RANBP17: variants seen among roughly 807,000 people sequenced by gnomAD.
RANBP17 encodes the protein ran-binding protein 17.
RANBP17 carries 158 observed loss-of-function variants against 141.2 expected under a neutral mutation model. The observed-to-expected ratio is 1.12, with a 90% confidence interval of 0.98 to 1.28. RANBP17 has a LOEUF of 1.28. Ranked by LOEUF, RANBP17 falls within the 50% of genes most tolerant of loss-of-function variation. RANBP17 has a pLI of 0.00. For synonymous variants in RANBP17, 430 were observed against 450.0 expected (o/e 0.96, Z 0.56); for missense variants, 1,438 against 1,290.7 (o/e 1.11, Z -1.75).
chr5:170,896,192 C>A, intron 5 of RANBP17, 77 bp downstream of exon 5: 2 of 970,420 alleles, frequency 2.1e-6, no homozygotes, highest in Admixed American at 2.2e-5. Flanking sequence ...TTATTTGTGG[C>A]AAAATAGACA....
intron 18 of RANBP17, among the ~76,000 whole-genome samples, chr5:171,193,408 A>G (rs373884782): frequency 1.3e-5 from 2 of 149,140 alleles, no homozygotes; most frequent in African/African-American, 2.5e-5. Context: ...ATTAGATGCC[A>G]TGTGCCCCAG....
chr5:171,202,648 A>G (rs768046970), intron 19 of RANBP17, among the ~76,000 whole-genome samples: 2 of 152,184 alleles, frequency 1.3e-5, no homozygotes, highest in Admixed American at 1.3e-4. Flanking sequence ...GGGATAGAGC[A>G]ATAAAGGCAG....
At chr5:171,029,453 C>T (rs2127615765) in intron 14 of RANBP17, among the ~76,000 whole-genome samples, 1 of 152,158 alleles carries the variant, frequency 6.6e-6, no homozygotes, top group Admixed American at 6.5e-5. Context: ...TGGCTTGGAA[C>T]CAGAAGCTGA....
chr5:171,228,739 A>T (rs1259257407), intron 22 of RANBP17, among the ~76,000 whole-genome samples: 1 of 152,232 alleles, frequency 6.6e-6, no homozygotes, highest in Non-Finnish European at 1.5e-5. Flanking sequence ...ATCAGTCAGC[A>T]GCTATCAACA....
At chr5:171,062,628 A>G (rs1581532184) in intron 14 of RANBP17, among the ~76,000 whole-genome samples, 1 of 152,136 alleles carries the variant, frequency 6.6e-6, no homozygotes, top group Non-Finnish European at 1.5e-5. Flanking sequence ...GAATCTGACA[A>G]TTATGTGTCT....
chr5:171,041,224 A>G (rs894137600), intron 14 of RANBP17, among the ~76,000 whole-genome samples: 1 of 152,088 alleles, frequency 6.6e-6, no homozygotes, highest in African/African-American at 2.4e-5. Flanking sequence ...ATTGGGGGTC[A>G]TGTTATTAAT....
intron 14 of RANBP17, among the ~76,000 whole-genome samples, chr5:171,142,963 G>A (rs1757801979): frequency 2.6e-5 from 4 of 152,124 alleles, no homozygotes; most frequent in Admixed American, 2.6e-4. Flanking sequence ...TAAAGACCTG[G>A]TTTCTTAAAA....
intron 14 of RANBP17, among the ~76,000 whole-genome samples, chr5:171,011,250 G>T (rs1461519215): frequency 1.3e-5 from 2 of 151,964 alleles, no homozygotes; most frequent in African/African-American, 4.8e-5. Flanking sequence ...GCTTGTATTT[G>T]CTTAGTTTGC....
rs184322803 is a variant in RANBP17 at position 171,089,824 on chromosome 5, C to T, written c.1711-80306C>T. 5.2e-3 allele frequency among the ~76,000 whole-genome samples: 796 copies of T among 152,346 alleles called. 6 individuals carry two copies. Among genetic ancestry groups the T allele is most frequent in the African/African-American group, 0.018 (750 of 41,584 alleles). Reference sequence around the variant, plus strand: ...GCCTCGCCCTGCTTAGGCTCGCGCACGGTGCGTGCACCCACTGGCCTGCGC... The same window carrying T: ...GCCTCGCCCTGCTTAGGCTCGCGCATGGTGCGTGCACCCACTGGCCTGCGC... On this transcript the variant is annotated intron_variant, in intron 14 of 27. Transcript: ENST00000523189.
chr5:171,015,901 A>G (rs1288679007), intron 14 of RANBP17, among the ~76,000 whole-genome samples: 1 of 152,122 alleles, frequency 6.6e-6, no homozygotes, highest in Non-Finnish European at 1.5e-5. Context: ...CCTAGATACT[A>G]TTCTGTCTAA....
At position 170,883,957 on chromosome 5, in the gene RANBP17, G is replaced by A. The variant is rs114902089; in HGVS notation, c.256+2061G>A. Among the ~76,000 whole-genome samples the A allele has an allele frequency of 4.0e-3, 602 of 152,188 alleles. 7 individuals are homozygous for A. Among genetic ancestry groups the A allele is most frequent in the African/African-American group, 0.014 (578 of 41,518 alleles). On this transcript the variant is annotated intron_variant, in intron 3 of 27. Transcript: ENST00000523189. Reference sequence around the variant, plus strand: ...GTGCCCAAACATTTTCAGCTCCCTTGGATAAATACCTTGGAGCACAATTGC... The same window carrying A: ...GTGCCCAAACATTTTCAGCTCCCTTAGATAAATACCTTGGAGCACAATTGC...
chr5:170,900,079 T>G (rs1033740979), intron 5 of RANBP17, among the ~76,000 whole-genome samples: 6 of 152,212 alleles, frequency 3.9e-5, no homozygotes, highest in Non-Finnish European at 7.3e-5. Flanking sequence ...TGAAATAGTT[T>G]CAGAAGGAAT....
intron 5 of RANBP17, among the ~76,000 whole-genome samples, chr5:170,901,601 G>C (rs925724056): frequency 1.3e-5 from 2 of 152,210 alleles, no homozygotes; most frequent in Non-Finnish European, 2.9e-5. Context: ...AGTTGATGCA[G>C]TTTCTTCATA....
intron 24 of RANBP17, among the ~76,000 whole-genome samples, chr5:171,257,072 A>G (rs1393728632): frequency 6.6e-6 from 1 of 152,234 alleles, no homozygotes; most frequent in Non-Finnish European, 1.5e-5. Context: ...AACCCATTCT[A>G]TGAGGTCACT....
chr5:171,012,470 A>G (rs139233473), intron 14 of RANBP17, among the ~76,000 whole-genome samples: 2 of 152,228 alleles, frequency 1.3e-5, no homozygotes, highest in East Asian at 1.9e-4. Flanking sequence ...TGGAATCTAT[A>G]TATTATAGTT....
At chr5:170,910,826 T>A in intron 6 of RANBP17, 143 bp from the exon 7 acceptor site, 2 of 743,890 alleles carry the variant, frequency 2.7e-6, no homozygotes, top group Non-Finnish European at 4.3e-6. Context: ...GAAGGTAACA[T>A]TACTTCCTTA....
chr5:171,236,857 A>T (rs1395658541), intron 22 of RANBP17, among the ~76,000 whole-genome samples: 2 of 152,228 alleles, frequency 1.3e-5, no homozygotes, highest in African/African-American at 2.4e-5. Flanking sequence ...GATTCAGGCC[A>T]GGTCAGTATG....
intron 14 of RANBP17, among the ~76,000 whole-genome samples, chr5:171,067,948 C>T (rs1784405965): frequency 6.6e-6 from 1 of 152,028 alleles, no homozygotes; most frequent in African/African-American, 2.4e-5. Context: ...TTTTTCATTT[C>T]GTTATTTCTT....
chr5:171,084,228 T>TG (rs1256993035), intron 14 of RANBP17, among the ~76,000 whole-genome samples: 2 of 150,246 alleles, frequency 1.3e-5, no homozygotes, highest in Non-Finnish European at 3.0e-5. Context: ...TTTTTGTTCT[T>TG]GCGATAGTTT....
Sources: allele counts gnomAD v4.1 joint callset (sites outside exome capture counted in the v4.1 genomes callset), GRCh38; gene constraint gnomAD v4.1.1; transcripts MANE v1.5; gene names NCBI Gene and HGNC (gene_info 2026-07-23, HGNC 2026-07-21).